Variants in FOXO3 observed in about 807,000 individuals in gnomAD.
FOXO3 encodes forkhead box O3, also known as forkhead box protein O3.
FOXO3 carries 4 observed loss-of-function variants against 41.9 expected under a neutral mutation model. That is an observed-to-expected ratio of 0.10 (90% CI 0.05 to 0.22). The LOEUF (loss-of-function observed/expected upper bound fraction) is 0.22, where lower values mean the gene tolerates loss of function less well. Ranked by LOEUF, FOXO3 falls within the 10% of genes least tolerant of loss-of-function variation. The probability of loss-of-function intolerance (pLI) is 1.00; values close to 1 mark genes in which losing one functional copy is unlikely to be tolerated. For synonymous variants in FOXO3, 318 were observed against 389.3 expected, an observed-to-expected ratio of 0.82 and a Z score of 2.16; for missense variants, 534 against 906.8, an observed-to-expected ratio of 0.59 and a Z score of 5.28.
chr6:108,676,822 A>G (rs1770612841), intron 2 of FOXO3, among the ~76,000 whole-genome samples: 1 of 152,246 alleles, frequency 6.6e-6, no homozygotes, highest in Admixed American at 6.5e-5. Flanking sequence ...GCCATTAAAA[A>G]TCTAAGACAG....
chr6:108,616,299 G>A (rs1039597421), intron 1 of FOXO3, among the ~76,000 whole-genome samples: 5 of 151,770 alleles, frequency 3.3e-5, no homozygotes, highest in South Asian at 2.1e-4. Context: ...CGAGTAGCTG[G>A]GACTACAGGC....
At chr6:108,666,261 G>C (rs143965599) in intron 2 of FOXO3, among the ~76,000 whole-genome samples, 1 of 152,296 alleles carries the variant, frequency 6.6e-6, no homozygotes, top group Non-Finnish European at 1.5e-5. Flanking sequence ...TGACAAATGG[G>C]CAAGCAGGTA....
chr6:108,642,475 A>G (rs1163190227), intron 1 of FOXO3, among the ~76,000 whole-genome samples: 3 of 152,164 alleles, frequency 2.0e-5, no homozygotes, highest in Admixed American at 6.6e-5. Flanking sequence ...AGTGGCGTGG[A>G]TCAGGATAAT....
At chr6:108,661,317 T>G (rs1778852996) in intron 1 of FOXO3, among the ~76,000 whole-genome samples, 1 of 152,038 alleles carries the variant, frequency 6.6e-6, no homozygotes, top group Non-Finnish European at 1.5e-5. Context: ...ATTGCCAATT[T>G]AAACAAATAT....
chr6:108,610,416 T>C (rs1777327654), intron 1 of FOXO3, among the ~76,000 whole-genome samples: 1 of 152,216 alleles, frequency 6.6e-6, no homozygotes. Context: ...TTCAGTGTTC[T>C]TAAGTACAAG....
At position 108,584,062 on chromosome 6, in the gene FOXO3, G is replaced by A. The variant is rs140195364; in HGVS notation, c.621+22233G>A. On this transcript the variant is annotated intron_variant, in intron 1 of 2. Coordinates refer to ENST00000406360, the MANE Select transcript of FOXO3 (RefSeq NM_001455.4). Reference sequence around the variant, plus strand: ...TCATGTGACTTGATCATATGGGGGCGTGCTTCATAGGTCACAGCCATGGTT... The same window carrying A: ...TCATGTGACTTGATCATATGGGGGCATGCTTCATAGGTCACAGCCATGGTT... 2.7e-3 allele frequency among the ~76,000 whole-genome samples: 413 copies of A among 152,252 alleles called. 4 individuals are homozygous for A. Among genetic ancestry groups the A allele is most frequent in the African/African-American group, 9.5e-3 (394 of 41,534 alleles).
At chr6:108,635,651 CA>C (rs1209547223) in intron 1 of FOXO3, among the ~76,000 whole-genome samples, 1 of 152,148 alleles carries the variant, frequency 6.6e-6, no homozygotes, top group African/African-American at 2.4e-5. Context: ...GCTAGAGAGG[CA>C]CATCCTGTCA....
chr6:108,576,790 T>G (rs961250940), intron 1 of FOXO3, among the ~76,000 whole-genome samples: 1 of 152,152 alleles, frequency 6.6e-6, no homozygotes, highest in Non-Finnish European at 1.5e-5. Flanking sequence ...GCTTGGAGAG[T>G]CCTTGCTCTT....
chr6:108,606,123 A>G (rs1238665208), intron 1 of FOXO3, among the ~76,000 whole-genome samples: 6 of 152,210 alleles, frequency 3.9e-5, no homozygotes, highest in African/African-American at 1.2e-4. Flanking sequence ...TGAGAAAGCA[A>G]CTAATTTGGT....
chr6:108,560,894 C>T (rs1023917993), upstream of FOXO3: 11 of 1,096,678 alleles, frequency 1.0e-5, no homozygotes, highest in Non-Finnish European at 1.2e-5. Flanking sequence ...GCTCGCGGCT[C>T]CATCGCGGCC....
chr6:108,660,936 T>G (rs967841687), intron 1 of FOXO3, among the ~76,000 whole-genome samples: 4 of 152,114 alleles, frequency 2.6e-5, no homozygotes, highest in Non-Finnish European at 5.9e-5. Flanking sequence ...GGCGGGTGCC[T>G]GTAGTCCTAG....
At chr6:108,668,274 C>A (rs958146450) in intron 2 of FOXO3, among the ~76,000 whole-genome samples, 1 of 152,186 alleles carries the variant, frequency 6.6e-6, no homozygotes, top group Non-Finnish European at 1.5e-5. Flanking sequence ...GCTTCTCTGG[C>A]GGGCTGGGTG....
chr6:108,655,716 G>A (rs1414847319), intron 1 of FOXO3, among the ~76,000 whole-genome samples: 2 of 152,178 alleles, frequency 1.3e-5, no homozygotes, highest in South Asian at 4.2e-4. Context: ...ATTATACACC[G>A]AAGGCGCCCA....
rs956732304 is a variant in FOXO3, at chr6:108,561,153, C to G, written c.-56C>G. The G allele has an allele frequency of 1.3e-6, 2 of 1,496,402 alleles. No homozygotes were observed. The highest frequency in any genetic ancestry group is 2.8e-5 in the East Asian group (1 of 35,584). 92.7% of individuals were successfully genotyped at this position (1,496,402 alleles called of 1,614,324 possible). On this transcript the variant is annotated 5_prime_UTR_variant, in exon 1 of 3. Transcript: ENST00000406360. Reference sequence around the variant, plus strand: ...CACGTCCCTCCCCCGCTGCACCCCGCCCCGGCGCGAGAGGAGAGCGCGAGA... The same window carrying G: ...CACGTCCCTCCCCCGCTGCACCCCGGCCCGGCGCGAGAGGAGAGCGCGAGA...
At chr6:108,614,772 A>G (rs765869289) in intron 1 of FOXO3, among the ~76,000 whole-genome samples, 2 of 150,602 alleles carry the variant, frequency 1.3e-5, no homozygotes, top group Non-Finnish European at 3.0e-5. Flanking sequence ...TAATGTAATT[A>G]TATTTGGGTT....
At chr6:108,642,164 T>C (rs1486678143) in intron 1 of FOXO3, among the ~76,000 whole-genome samples, 2 of 151,744 alleles carry the variant, frequency 1.3e-5, no homozygotes, top group Non-Finnish European at 2.9e-5. Context: ...TCTCAACTTG[T>C]TGCAACCTCC....
chr6:108,577,744 CTT>C (rs1440586865), intron 1 of FOXO3, among the ~76,000 whole-genome samples: 1 of 152,178 alleles, frequency 6.6e-6, no homozygotes, highest in East Asian at 1.9e-4. Context: ...TTAGTACTGA[CTT>C]TTAGATGCAT....
intron 2 of FOXO3, among the ~76,000 whole-genome samples, chr6:108,670,479 T>A (rs1185369394): frequency 1.3e-5 from 2 of 150,906 alleles, no homozygotes; most frequent in African/African-American, 4.9e-5. Context: ...ATCCTCAAGA[T>A]AGTGAAATGG....
At chr6:108,591,851 T>C (rs1211339692) in intron 1 of FOXO3, among the ~76,000 whole-genome samples, 1 of 150,212 alleles carries the variant, frequency 6.7e-6, no homozygotes, top group Non-Finnish European at 1.5e-5. Context: ...GTTTTATGTA[T>C]TTGTTTTAAA....
Sources: gnomAD v4.1 joint callset for allele counts (sites outside exome capture counted in the v4.1 genomes callset) on GRCh38, gnomAD v4.1.1 for gene constraint, MANE v1.5 for transcripts, NCBI Gene and HGNC (gene_info 2026-07-23, HGNC 2026-07-21) for gene names.